Variants in BRCA2 observed in about 807,000 individuals in gnomAD.
BRCA2 encodes the protein breast cancer type 2 susceptibility protein.
Under a neutral mutation model 276.7 loss-of-function variants are expected in BRCA2, and 203 were observed. The ratio of observed to expected loss-of-function variants is 0.73; its 90% CI spans 0.65 to 0.82. BRCA2 has a LOEUF of 0.82. Ranked by LOEUF, BRCA2 falls within the 40% of genes least tolerant of loss-of-function variation. BRCA2 has a pLI of 0.00. For synonymous variants in BRCA2, 1,289 were observed against 1,338.4 expected (o/e 0.96, Z 0.81); for missense variants, 3,920 against 3,915.0 (o/e 1.00, Z -0.03).
chr13:32,386,095 G>T, intron 24 of BRCA2: 1 of 183,304 alleles, frequency 5.5e-6, no homozygotes, highest in East Asian at 1.2e-4. Flanking sequence ...AGAACTCTGT[G>T]GGACAGGGTC....
chr13:32,341,282 G>C, intron 11 of BRCA2, 86 bp downstream of exon 11: 2 of 1,536,444 alleles, frequency 1.3e-6, no homozygotes, highest in Non-Finnish European at 1.8e-6. Context: ...ACAATTAAGA[G>C]TGTTATAAAC....
rs1555282399 is a variant in BRCA2, at chr13:32,336,368, T to C, written c.2013T>C (p.Ser671=). 1.9e-6 allele frequency: 3 copies of C among 1,610,534 alleles called. No homozygotes were observed. The highest frequency in any genetic ancestry group is 2.5e-6 in the Non-Finnish European group (3 of 1,178,572). Residue 671 remains serine, a synonymous_variant, in exon 11 of 27, where the codon TCT becomes TCC. Transcript: ENST00000380152. ...SSFGTILRKC[S]RNETCSNNTV... is the part of the protein sequence containing the mutation. The stretch of plus-strand genomic sequence containing the variant: ...TTGGGACAATTCTGAGGAAATGTTC[T>C]AGAAATGAAACATGTTCTAATAATA...
chr13:32,353,515 T>C (rs551043168), intron 13 of BRCA2, among the ~76,000 whole-genome samples: 264 of 152,332 alleles, frequency 1.7e-3, no homozygotes, highest in Admixed American at 3.7e-3. Flanking sequence ...CTGGCTGCTT[T>C]GCTATTTTTC....
upstream of BRCA2, chr13:32,315,474 G>T (rs2072245021): frequency 6.6e-6 from 1 of 152,394 alleles, no homozygotes. Context: ...TGGCCAGCGC[G>T]GGCTTGTGGC....
intron 10 of BRCA2, among the ~76,000 whole-genome samples, chr13:32,334,863 A>G (rs1339033454): frequency 1.3e-5 from 2 of 152,096 alleles, no homozygotes; most frequent in Non-Finnish European, 2.9e-5. Flanking sequence ...TTGTTGTTGC[A>G]ACAGTTCACT....
intron 21 of BRCA2, among the ~76,000 whole-genome samples, chr13:32,378,823 A>G (rs1007885829): frequency 2.0e-5 from 3 of 152,166 alleles, no homozygotes; most frequent in Non-Finnish European, 2.9e-5. Flanking sequence ...AATTGTATCT[A>G]CTATTTCAAA....
At chr13:32,317,414 G>T (rs1429838288) in intron 2 of BRCA2, among the ~76,000 whole-genome samples, 4 of 152,042 alleles carry the variant, frequency 2.6e-5, no homozygotes, top group African/African-American at 9.7e-5. Context: ...TGTTATTTTG[G>T]TAGAAGTATG....
chr13:32,378,326 G>T (rs1056528714), intron 21 of BRCA2, among the ~76,000 whole-genome samples: 2 of 152,042 alleles, frequency 1.3e-5, no homozygotes, highest in Admixed American at 1.3e-4. Context: ...TTATCTTTAG[G>T]GTTCTAAGTG....
At chr13:32,381,564 G>A (rs1336159602) in intron 24 of BRCA2, among the ~76,000 whole-genome samples, 1 of 152,150 alleles carries the variant, frequency 6.6e-6, no homozygotes, top group Non-Finnish European at 1.5e-5. Context: ...CATGCCTAGT[G>A]TGCCGTGAAG....
chr13:32,368,862 G>A (rs1417737915), intron 18 of BRCA2, among the ~76,000 whole-genome samples: 3 of 150,286 alleles, frequency 2.0e-5, no homozygotes, highest in African/African-American at 7.3e-5. Context: ...CCAGGCTAGA[G>A]TGCAGTGGTG....
intron 11 of BRCA2, among the ~76,000 whole-genome samples, chr13:32,343,550 C>T (rs555852900): frequency 1.3e-5 from 2 of 152,154 alleles, no homozygotes; most frequent in African/African-American, 4.8e-5. Context: ...CAAAGTAGTA[C>T]GTTTATAGTA....
chr13:32,356,568 GCAGT>G lies in BRCA2; in HGVS notation c.7577_7580del (p.Ala2526GlufsTer24). On this transcript the variant is annotated frameshift_variant, in exon 15 of 27. Transcript: ENST00000380152. LOFTEE classifies it high-confidence loss of function. ...TCTGCCTCGAATCTCTCTGAAAGCA[GCAGT>G]AGGAGGCCAAGTTCCCTCTGCGTGT... 3.7e-6 allele frequency: 6 copies of G among 1,614,218 alleles called. No individual in the cohort carries two copies. The highest frequency in any genetic ancestry group is 5.1e-6 in the Non-Finnish European group (6 of 1,180,030).
chr13:32,376,564 C>A (rs879207588), intron 20 of BRCA2, 106 bp from the exon 21 acceptor site: 3 of 1,218,640 alleles, frequency 2.5e-6, no homozygotes, highest in South Asian at 1.3e-5. Context: ...TATATAGTTT[C>A]TTATCTTTAA....
rs81002883 is a variant in BRCA2, at chr13:32,380,146, G to A, written c.9256+1G>A. 1 of 1,611,236 alleles carries A rather than the reference G, an allele frequency of 6.2e-7. No homozygotes were observed. Among genetic ancestry groups the A allele is most frequent in the Non-Finnish European group, 8.5e-7 (1 of 1,178,588 alleles). ...GTCGTTTCTGTTGTGAAAAAAACAGGTAATGCACAATATAGTTAATTTTTT... is the reference window on the plus strand; with the variant it reads ...GTCGTTTCTGTTGTGAAAAAAACAGATAATGCACAATATAGTTAATTTTTT... On this transcript the variant is annotated splice_donor_variant, in intron 24 of 26. Transcript: ENST00000380152. LOFTEE classifies it high-confidence loss of function.
At chr13:32,325,702 G>A (rs1054776555) in intron 4 of BRCA2, among the ~76,000 whole-genome samples, 4 of 151,808 alleles carry the variant, frequency 2.6e-5, no homozygotes, top group Admixed American at 1.3e-4. Context: ...CACCATGCCC[G>A]GCTAATTTTT....
chr13:32,367,848 A>G (rs571836718), intron 18 of BRCA2, among the ~76,000 whole-genome samples: 1 of 152,138 alleles, frequency 6.6e-6, no homozygotes, highest in South Asian at 2.1e-4. Context: ...TCAAGCATTT[A>G]TCTTTCTTCT....
In BRCA2 at chr13:32,357,725, G is replaced by T. The variant is rs754065641; in HGVS notation, c.7618-17G>T. On this transcript the variant is annotated splice_polypyrimidine_tract_variant and intron_variant, in intron 15 of 26. Coordinates refer to ENST00000380152, the MANE Select transcript of BRCA2 (RefSeq NM_000059.4). ...TTTAAATTGTTTTTCTTTTTTGTGT[G>T]TGTTTATTTTGTGTAGCTGTATACG... 2 of 1,604,078 alleles carry T rather than the reference G, an allele frequency of 1.2e-6. No individual in the cohort carries two copies. Among genetic ancestry groups the T allele is most frequent in the South Asian group, 1.1e-5 (1 of 90,108 alleles).
At chr13:32,373,418 A>G (rs2072848727) in intron 20 of BRCA2, among the ~76,000 whole-genome samples, 1 of 151,874 alleles carries the variant, frequency 6.6e-6, no homozygotes, top group African/African-American at 2.4e-5. Flanking sequence ...AGGCAGGAGA[A>G]TTGCTTGAAT....
chr13:32,360,505 G>A (rs536990780), intron 16 of BRCA2, among the ~76,000 whole-genome samples: 7 of 152,142 alleles, frequency 4.6e-5, no homozygotes, highest in Middle Eastern at 3.4e-3. Context: ...GACTACAGGC[G>A]CGCACCACCG....
Sources: allele counts gnomAD v4.1 joint callset (sites outside exome capture counted in the v4.1 genomes callset), GRCh38; gene constraint gnomAD v4.1.1; transcripts MANE v1.5; gene names NCBI Gene and HGNC (gene_info 2026-07-23, HGNC 2026-07-21).